The following TANC1 variants were observed in gnomAD, a reference collection of about 807,000 sequenced individuals.
TANC1 encodes the protein protein TANC1.
Under a neutral mutation model 149.7 loss-of-function variants are expected in TANC1, and 77 were observed. That is an observed-to-expected ratio of 0.51 (90% CI 0.43 to 0.62). The LOEUF is 0.62. TANC1 is among the 20% of genes least tolerant of loss of function. The pLI is 0.00. For missense variants in TANC1, 1,985 were observed against 2,321.8 expected (o/e 0.85, Z 2.98); for synonymous variants, 854 against 925.0 (o/e 0.92, Z 1.39).
At chr2:159,192,855 C>G (rs4665036) in intron 16 of TANC1, among the ~76,000 whole-genome samples, 134,092 of 152,282 alleles carry the variant, frequency 0.88, 59,331 homozygotes, top group African/African-American at 0.97. Flanking sequence ...TCACCCTGTT[C>G]TTCAGGCTGG....
intron 7 of TANC1, among the ~76,000 whole-genome samples, chr2:159,161,002 G>C (rs2053994701): frequency 6.6e-6 from 1 of 151,972 alleles, no homozygotes; most frequent in African/African-American, 2.4e-5. Context: ...GAGATGCTGG[G>C]CACAGTGTAG....
chr2:159,053,944 A>T (rs1226771600), intron 2 of TANC1, among the ~76,000 whole-genome samples: 1 of 152,070 alleles, frequency 6.6e-6, no homozygotes, highest in Non-Finnish European at 1.5e-5. Flanking sequence ...TGATAACTCG[A>T]GGGACTGTAC....
chr2:159,141,928 A>G (rs1373110686), intron 5 of TANC1, among the ~76,000 whole-genome samples: 8 of 152,190 alleles, frequency 5.3e-5, no homozygotes, highest in Non-Finnish European at 1.0e-4. Context: ...GAGTGCTTGC[A>G]AGGCCGTAGA....
chr2:159,014,111 T>C lies in TANC1; in HGVS notation c.-16+12922T>C, dbSNP rs545951238. On this transcript the variant is annotated intron_variant, in intron 2 of 26. Transcript: ENST00000263635. ...CTAAATAAGGTCACATTCTGAGGTA[T>C]TGGGTGTTAAAACTTTGTATTAGTC... 6.6e-5 allele frequency among the ~76,000 whole-genome samples: 10 copies of C among 152,286 alleles called. No individual in the cohort carries two copies. In the South Asian group the frequency reaches 1.7e-3, roughly 25 times the overall value.
chr2:159,091,162 A>G (rs1388178572), intron 3 of TANC1, among the ~76,000 whole-genome samples: 2 of 152,110 alleles, frequency 1.3e-5, no homozygotes, highest in Non-Finnish European at 2.9e-5. Flanking sequence ...GCCTTCTCCA[A>G]GGGGAGCAAT....
chr2:159,110,482 C>G (rs2047615694), intron 4 of TANC1, among the ~76,000 whole-genome samples: 1 of 152,168 alleles, frequency 6.6e-6, no homozygotes, highest in Admixed American at 6.5e-5. Flanking sequence ...GGTTTTGTTT[C>G]TTTAAATTTT....
At chr2:159,045,340 G>A (rs1294168104) in intron 2 of TANC1, among the ~76,000 whole-genome samples, 2 of 152,206 alleles carry the variant, frequency 1.3e-5, no homozygotes, top group Non-Finnish European at 2.9e-5. Flanking sequence ...GCTGAGGCAT[G>A]AGAATTGCTT....
chr2:159,158,299 G>A (rs1029710409), intron 7 of TANC1, among the ~76,000 whole-genome samples: 10 of 152,144 alleles, frequency 6.6e-5, no homozygotes, highest in Admixed American at 1.3e-4. Flanking sequence ...GGTCGAGGCT[G>A]CAGTGAGCTG....
At chr2:159,056,097 G>A (rs556088949) in intron 2 of TANC1, 4 of 288,430 alleles carry the variant, frequency 1.4e-5, no homozygotes, top group East Asian at 9.8e-5. Flanking sequence ...AAGCCTCAAC[G>A]GCACATGAAA....
Position 159,213,710 on chromosome 2 carries a change from TC to T in TANC1, c.3245-3785del, listed in dbSNP as rs1246232437. On this transcript the variant is annotated intron_variant, in intron 19 of 26. Coordinates refer to ENST00000263635, the MANE Select transcript of TANC1 (RefSeq NM_033394.3). Reference sequence around the variant, plus strand: ...GGCAATATTTGTTAAGAACGGCTCTTCCTGTAGTTCTAAGAAATTATCTGAC... The same window carrying T: ...GGCAATATTTGTTAAGAACGGCTCTTCTGTAGTTCTAAGAAATTATCTGAC... Among the ~76,000 whole-genome samples, 7 of 152,256 alleles carry T rather than the reference TC, an allele frequency of 4.6e-5. No homozygotes were observed. In the East Asian group the frequency reaches 1.2e-3, roughly 25 times the overall value.
At chr2:159,206,849 G>C (rs1019167595) in intron 19 of TANC1, among the ~76,000 whole-genome samples, 1 of 152,130 alleles carries the variant, frequency 6.6e-6, no homozygotes, top group Non-Finnish European at 1.5e-5. Context: ...CTTACCGAGA[G>C]GAGAGAGAGA....
chr2:159,168,406 T>C (rs754557816), intron 8 of TANC1, among the ~76,000 whole-genome samples: 2 of 151,656 alleles, frequency 1.3e-5, no homozygotes, highest in Non-Finnish European at 2.9e-5. Context: ...TTTAAGCGAT[T>C]CTCCTGCCTT....
chr2:158,993,850 T>G (rs72487252), intron 1 of TANC1, among the ~76,000 whole-genome samples: 13,610 of 152,318 alleles, frequency 0.089, 658 homozygotes, highest in Non-Finnish European at 0.11. Context: ...TGTCCTGAAT[T>G]GCCTTTATTC....
intron 4 of TANC1, among the ~76,000 whole-genome samples, chr2:159,131,516 CGCCCCTTCCCCT>C (rs2050101035): frequency 6.7e-6 from 1 of 149,130 alleles, no homozygotes; most frequent in East Asian, 2.1e-4. Context: ...CCCCTCCCCC[CGCCCCTTCCCCT>C]GCCCCCACCC....
intron 8 of TANC1, among the ~76,000 whole-genome samples, chr2:159,167,117 CAG>C (rs2054682080): frequency 6.6e-6 from 1 of 152,138 alleles, no homozygotes; most frequent in African/African-American, 2.4e-5. Flanking sequence ...TCTAAGGAGT[CAG>C]GGGAAGAAGG....
At chr2:159,014,431 G>A (rs529037209) in intron 2 of TANC1, among the ~76,000 whole-genome samples, 50 of 152,324 alleles carry the variant, frequency 3.3e-4, no homozygotes, top group African/African-American at 1.2e-3. Context: ...CAACATGTGG[G>A]AATTATGGGA....
chr2:159,055,617 C>T (rs2041793323), intron 2 of TANC1, among the ~76,000 whole-genome samples: 1 of 152,198 alleles, frequency 6.6e-6, no homozygotes. Context: ...TTTCAACTTC[C>T]TCATTCATTT....
chr2:158,978,073 TTTATTA>T (rs752972205), intron 1 of TANC1, among the ~76,000 whole-genome samples: 12 of 152,350 alleles, frequency 7.9e-5, no homozygotes, highest in Non-Finnish European at 1.5e-4. Flanking sequence ...CTGTTTGCTT[TTTATTA>T]TTAAGTTGTT....
At chr2:159,063,617 G>A (rs2042425258) in intron 2 of TANC1, among the ~76,000 whole-genome samples, 1 of 152,156 alleles carries the variant, frequency 6.6e-6, no homozygotes, top group Non-Finnish European at 1.5e-5. Context: ...AGTTTGAATA[G>A]CTTTTTTAAG....
Sources: allele counts gnomAD v4.1 joint callset (sites outside exome capture counted in the v4.1 genomes callset), GRCh38; gene constraint gnomAD v4.1.1; transcripts MANE v1.5; gene names NCBI Gene and HGNC (gene_info 2026-07-23, HGNC 2026-07-21).